SLC14A2: variants seen among roughly 807,000 people sequenced by gnomAD.
SLC14A2 encodes the protein urea transporter 2.
Under a neutral mutation model 104.6 loss-of-function variants are expected in SLC14A2, and 91 were observed. The ratio of observed to expected loss-of-function variants is 0.87; its 90% confidence interval spans 0.73 to 1.04. SLC14A2 has a LOEUF of 1.04. SLC14A2 is among the 50% of genes least tolerant of loss of function. SLC14A2 has a pLI of 0.00. For missense variants in SLC14A2, 1,189 were observed against 1,156.0 expected, an observed-to-expected ratio of 1.03 and a Z score of -0.41; for synonymous variants, 476 against 466.4, an observed-to-expected ratio of 1.02 and a Z score of -0.27.
chr18:45,414,757 A>ATATATAT (rs1555684043), intron 1 of SLC14A2, among the ~76,000 whole-genome samples: 37 of 76,058 alleles, frequency 4.9e-4, no homozygotes, highest in Non-Finnish European at 7.0e-4. Context: ...AAAAAAAAAA[A>ATATATAT]ATATATATAT....
intron 2 of SLC14A2, among the ~76,000 whole-genome samples, chr18:45,504,221 T>C (rs747758364): frequency 6.6e-6 from 1 of 152,172 alleles, no homozygotes; most frequent in Non-Finnish European, 1.5e-5. Context: ...CAGCAAACAA[T>C]ACTTTGAGGC....
intron 1 of SLC14A2, among the ~76,000 whole-genome samples, chr18:45,480,907 C>A (rs941178468): frequency 6.6e-6 from 1 of 151,894 alleles, no homozygotes; most frequent in Non-Finnish European, 1.5e-5. Context: ...AACCAAAGTT[C>A]TTTTCTTCTT....
At chr18:45,310,996 C>T (rs1468371773) in intron 1 of SLC14A2, among the ~76,000 whole-genome samples, 2 of 152,202 alleles carry the variant, frequency 1.3e-5, no homozygotes, top group East Asian at 3.8e-4. Context: ...GAGGCCTGTA[C>T]AAACTTCTGC....
At chr18:45,565,059 T>C (rs2044248135) in intron 2 of SLC14A2, among the ~76,000 whole-genome samples, 1 of 2,552 alleles carries the variant, frequency 3.9e-4, no homozygotes, top group African/African-American at 2.6e-3. Context: ...TGTGTGTGTG[T>C]TCGTGCATGC....
intron 1 of SLC14A2, among the ~76,000 whole-genome samples, chr18:45,223,005 G>A (rs1323522080): frequency 6.6e-6 from 1 of 152,158 alleles, no homozygotes; most frequent in Admixed American, 6.5e-5. Context: ...TGTGAGGGCT[G>A]CCATCTTGAC....
Position 45,659,801 on chromosome 18 carries a change from C to G in SLC14A2, c.1352-3984C>G, listed in dbSNP as rs547599358. On this transcript the variant is annotated intron_variant, in intron 10 of 19. Coordinates refer to ENST00000255226, the MANE Select transcript of SLC14A2 (RefSeq NM_007163.4). ...AAAAACTGTTTGTACCCTGAAATATCTAATGACTTTGTCCATTATACTAGT... is the reference window on the plus strand; with the variant it reads ...AAAAACTGTTTGTACCCTGAAATATGTAATGACTTTGTCCATTATACTAGT... 2.6e-5 allele frequency among the ~76,000 whole-genome samples: 4 copies of G among 152,216 alleles called. No individual in the cohort carries two copies. In the East Asian group the frequency reaches 7.7e-4, roughly 29 times the overall value.
intron 1 of SLC14A2, among the ~76,000 whole-genome samples, chr18:45,235,837 A>ATATATATATGTATATATACATATATGTG: frequency 1.1e-5 from 1 of 87,412 alleles, no homozygotes; most frequent in South Asian, 3.1e-4. Flanking sequence ...ATATACGTGT[A>ATATATATATGTATATATACATATATGTG]TATATATATG....
At chr18:45,267,949 C>T (rs2084609360) in intron 1 of SLC14A2, among the ~76,000 whole-genome samples, 2 of 152,150 alleles carry the variant, frequency 1.3e-5, no homozygotes, top group African/African-American at 4.8e-5. Context: ...ATCTCAAATC[C>T]ATGACTGTAA....
the SLC14A2 span, among the ~76,000 whole-genome samples, chr18:45,190,917 G>A: frequency 6.6e-6 from 1 of 152,160 alleles, no homozygotes; most frequent in Non-Finnish European, 1.5e-5. Context: ...GCTACTCCAT[G>A]AGGCCTTTTT....
In SLC14A2 at chr18:45,338,706, A is replaced by AC. The variant is rs1167734440; in HGVS notation, c.-125+125515_-125+125516insC. Among the ~76,000 whole-genome samples the AC allele has an allele frequency of 6.3e-5, 9 of 143,024 alleles. No individual in the cohort carries two copies. The East Asian group carries it at 1.9e-3, about 30-fold the overall frequency. 93.8% of individuals were successfully genotyped at this position (143,024 alleles called of 152,430 possible). A position where few individuals can be genotyped will look rare whatever the true frequency, so the allele number is the denominator to read the frequency against. The stretch of plus-strand genomic sequence containing the variant: ...ACAAAAAAAAAAAAAAAAAAAAAAA[A>AC]AAAAAACTCTTTATTTACAGAGTTT... On this transcript the variant is annotated intron_variant, in intron 1 of 20. Transcript: ENST00000586448.
intron 1 of SLC14A2, among the ~76,000 whole-genome samples, chr18:45,356,451 G>A (rs985624681): frequency 6.6e-6 from 1 of 152,080 alleles, no homozygotes; most frequent in Non-Finnish European, 1.5e-5. Context: ...AGAGTGTGAC[G>A]GTATCCCACT....
At chr18:45,502,067 G>A (rs180755562) in intron 2 of SLC14A2, among the ~76,000 whole-genome samples, 12 of 152,308 alleles carry the variant, frequency 7.9e-5, no homozygotes, top group Admixed American at 3.3e-4. Context: ...GCAGGATTCC[G>A]TGGCATCTGT....
chr18:45,200,631 T>C, the SLC14A2 span, among the ~76,000 whole-genome samples: 1 of 152,154 alleles, frequency 6.6e-6, no homozygotes, highest in African/African-American at 2.4e-5. Context: ...GAAAGTTACT[T>C]TGGGTAAACT....
At chr18:45,244,859 C>T (rs1446997532) in intron 1 of SLC14A2, among the ~76,000 whole-genome samples, 1 of 152,194 alleles carries the variant, frequency 6.6e-6, no homozygotes, top group African/African-American at 2.4e-5. Flanking sequence ...AATTGTCTCA[C>T]ATCTATTCAT....
In SLC14A2 at chr18:45,419,321, G is replaced by T. The variant is rs541876867; in HGVS notation, c.-124-63912G>T. Among the ~76,000 whole-genome samples the T allele has an allele frequency of 9.8e-5, 15 of 152,300 alleles. No individual in the cohort carries two copies. In the South Asian group the frequency reaches 3.1e-3, roughly 32 times the overall value. ...CAGGCCCCTTTTATTCTGCTAAGGGGTATGATGTGTGTAGGTGAGGCTTAA... is the reference window on the plus strand; with the variant it reads ...CAGGCCCCTTTTATTCTGCTAAGGGTTATGATGTGTGTAGGTGAGGCTTAA... On this transcript the variant is annotated intron_variant, in intron 1 of 20. Coordinates refer to the SLC14A2 transcript ENST00000586448.
At chr18:45,443,615 T>G (rs1359289484) in intron 1 of SLC14A2, among the ~76,000 whole-genome samples, 1 of 152,064 alleles carries the variant, frequency 6.6e-6, no homozygotes, top group African/African-American at 2.4e-5. Flanking sequence ...GTAGGTTTTA[T>G]GGCTGGATTG....
At chr18:45,354,527 C>T (rs2085532843) in intron 1 of SLC14A2, among the ~76,000 whole-genome samples, 1 of 152,192 alleles carries the variant, frequency 6.6e-6, no homozygotes, top group Non-Finnish European at 1.5e-5. Context: ...TTCAGTGGAG[C>T]AGACAAGCTT....
At chr18:45,321,047 A>G (rs2085179958) in intron 1 of SLC14A2, among the ~76,000 whole-genome samples, 1 of 152,206 alleles carries the variant, frequency 6.6e-6, no homozygotes. Flanking sequence ...TTGCTTCCAC[A>G]TTCTGGGCCT....
Position 45,619,735 on chromosome 18 carries a change from C to T in SLC14A2, c.-35+4153C>T, listed in dbSNP as rs77028624. Among the ~76,000 whole-genome samples, 373 of 152,210 alleles carry T rather than the reference C, an allele frequency of 2.5e-3. 4 individuals are homozygous for T. Among genetic ancestry groups the T allele is most frequent in the African/African-American group, 8.6e-3 (357 of 41,532 alleles). On this transcript the variant is annotated intron_variant, in intron 1 of 19. Coordinates refer to ENST00000255226, the MANE Select transcript of SLC14A2 (RefSeq NM_007163.4). ...TCGGGCAGGGATTTCACATCCAGTTCTAACAAGTGGCGACGCCTTATGGAA... is the reference window on the plus strand; with the variant it reads ...TCGGGCAGGGATTTCACATCCAGTTTTAACAAGTGGCGACGCCTTATGGAA...
Sources: allele counts gnomAD v4.1 joint callset (sites outside exome capture counted in the v4.1 genomes callset), GRCh38; gene constraint gnomAD v4.1.1; transcripts MANE v1.5; gene names NCBI Gene and HGNC (gene_info 2026-07-23, HGNC 2026-07-21).